The following ADGRA1 variants were observed in gnomAD, a reference collection of about 807,000 sequenced individuals.
The protein encoded by ADGRA1 is adhesion G protein-coupled receptor A1.
Under a neutral mutation model 21.3 loss-of-function variants are expected in ADGRA1, and 12 were observed. That is an observed-to-expected ratio of 0.56 (90% CI 0.36 to 0.91). The LOEUF is 0.91. ADGRA1 is among the 40% of genes least tolerant of loss of function. ADGRA1 has a pLI of 0.01. For synonymous variants in ADGRA1, 385 were observed against 368.8 expected (o/e 1.04, Z -0.50); for missense variants, 790 against 805.6 (o/e 0.98, Z 0.23).
chr10:133,122,427 C>A (rs1425890045), intron 5 of ADGRA1, among the ~76,000 whole-genome samples: 2 of 152,244 alleles, frequency 1.3e-5, no homozygotes, highest in African/African-American at 4.8e-5. Context: ...CGGCAGCACT[C>A]AGGCTGGGCA....
intron 5 of ADGRA1, among the ~76,000 whole-genome samples, chr10:133,114,046 C>T (rs1476014166): frequency 1.3e-5 from 2 of 152,240 alleles, no homozygotes; most frequent in Non-Finnish European, 2.9e-5. Context: ...TGAGTACCTC[C>T]GTCTCCTGCC....
intron 5 of ADGRA1, among the ~76,000 whole-genome samples, chr10:133,109,954 G>A (rs1371811300): frequency 6.6e-6 from 1 of 152,210 alleles, no homozygotes; most frequent in Non-Finnish European, 1.5e-5. Context: ...TCGGGACTCA[G>A]CAGTGGTGGC....
intron 2 of ADGRA1, among the ~76,000 whole-genome samples, chr10:133,096,157 G>C (rs1851684491): frequency 6.6e-6 from 1 of 152,240 alleles, no homozygotes. Context: ...CTGAGTGCAG[G>C]CTGGTGCCCC....
In ADGRA1 at chr10:133,129,515, G is replaced by T; in HGVS notation, c.*4G>T. The stretch of plus-strand genomic sequence containing the variant: ...GAAAAACGAAACTACTGTGTAGATG[G>T]GGGCAGAGGACACGGTGTTCCTGGA... On this transcript the variant is annotated 3_prime_UTR_variant, in exon 7 of 7. Transcript: ENST00000392607. 1.3e-6 allele frequency: 2 copies of T among 1,579,056 alleles called. No individual in the cohort carries two copies. The highest frequency in any genetic ancestry group is 4.5e-5 in the East Asian group (2 of 44,470).
At chr10:133,090,210 G>A (rs112381346) in intron 2 of ADGRA1, among the ~76,000 whole-genome samples, 10 of 152,312 alleles carry the variant, frequency 6.6e-5, no homozygotes, top group African/African-American at 1.9e-4. Context: ...ACAACTGTGC[G>A]GGGGCCTCCC....
At chr10:133,117,377 G>C (rs1852179361) in intron 5 of ADGRA1, among the ~76,000 whole-genome samples, 1 of 152,206 alleles carries the variant, frequency 6.6e-6, no homozygotes. Flanking sequence ...AACACCCACG[G>C]AACAGCCTAC....
chr10:133,126,783 G>A (rs1392266482), intron 5 of ADGRA1, among the ~76,000 whole-genome samples: 1 of 152,202 alleles, frequency 6.6e-6, no homozygotes, highest in African/African-American at 2.4e-5. Flanking sequence ...CTGAGGCTGA[G>A]CGGGGCCTTA....
intron 5 of ADGRA1, among the ~76,000 whole-genome samples, chr10:133,118,910 TCACA>T (rs753886546): frequency 1.4e-5 from 2 of 144,748 alleles, no homozygotes; most frequent in Non-Finnish European, 3.0e-5. Context: ...ACACGTACAC[TCACA>T]CACCACACAC....
intron 5 of ADGRA1, among the ~76,000 whole-genome samples, chr10:133,117,419 G>A (rs1852180069): frequency 1.3e-5 from 2 of 152,234 alleles, no homozygotes; most frequent in Admixed American, 1.3e-4. Context: ...GCCCCACAGA[G>A]GCCAAGCGCT....
chr10:133,117,542 T>G (rs972068945), intron 5 of ADGRA1, among the ~76,000 whole-genome samples: 1 of 152,166 alleles, frequency 6.6e-6, no homozygotes, highest in Non-Finnish European at 1.5e-5. Context: ...AGGCCCTCAC[T>G]AGCCCGGGCA....
At chr10:133,121,896 G>A (rs577584369) in intron 5 of ADGRA1, among the ~76,000 whole-genome samples, 49 of 150,322 alleles carry the variant, frequency 3.3e-4, no homozygotes, top group East Asian at 6.0e-4. Flanking sequence ...GTGTGCGTGC[G>A]TGCAAGTGTG....
In ADGRA1 at chr10:133,122,386, C is replaced by T. The variant is rs118124702; in HGVS notation, c.402-4847C>T. On this transcript the variant is annotated intron_variant, in intron 5 of 6. Coordinates refer to ENST00000392607, the MANE Select transcript of ADGRA1 (RefSeq NM_001083909.3). ...TCCGACCATCAGCTCCAACCAGCAGCGGGCTAGTGTGCCAGGAGGGATCAC... is the reference window on the plus strand; with the variant it reads ...TCCGACCATCAGCTCCAACCAGCAGTGGGCTAGTGTGCCAGGAGGGATCAC... Among the ~76,000 whole-genome samples the T allele has an allele frequency of 6.3e-3, 958 of 152,286 alleles. 2 individuals carry two copies. Among genetic ancestry groups the T allele is most frequent in the Non-Finnish European group, 0.011 (773 of 68,012 alleles).
At chr10:133,095,206 C>A (rs1260806476) in intron 2 of ADGRA1, among the ~76,000 whole-genome samples, 1 of 152,154 alleles carries the variant, frequency 6.6e-6, no homozygotes, top group Non-Finnish European at 1.5e-5. Context: ...TTGCAGGAGG[C>A]AACTGACGCT....
chr10:133,112,499 TGTA>T (rs1852061725), intron 5 of ADGRA1, among the ~76,000 whole-genome samples: 1 of 149,090 alleles, frequency 6.7e-6, no homozygotes, highest in African/African-American at 2.5e-5. Flanking sequence ...ATTTGGGGTC[TGTA>T]AGCAGTGTTG....
At chr10:133,088,959 T>C (rs1851552605) in intron 2 of ADGRA1, 47 bp downstream of exon 2, 1 of 1,236,640 alleles carries the variant, frequency 8.1e-7, no homozygotes, top group East Asian at 3.1e-5. Flanking sequence ...GCTAGGCCGC[T>C]GCGGGGGGGC....
chr10:133,107,059 T>C (rs1851906937), intron 5 of ADGRA1, among the ~76,000 whole-genome samples: 1 of 152,246 alleles, frequency 6.6e-6, no homozygotes, highest in South Asian at 2.1e-4. Flanking sequence ...TGCACCTCCT[T>C]GGTTGAATTT....
intron 4 of ADGRA1, among the ~76,000 whole-genome samples, chr10:133,099,696 C>G (rs2135873451): frequency 6.6e-6 from 1 of 152,278 alleles, no homozygotes; most frequent in East Asian, 1.9e-4. Context: ...GCCTCTGTAG[C>G]CACAGCTCCG....
chr10:133,102,263 C>A (rs753710950), intron 4 of ADGRA1: 18 of 484,512 alleles, frequency 3.7e-5, no homozygotes, highest in Non-Finnish European at 5.8e-5. Context: ...GGGGCTCATC[C>A]TACCCACAGT....
At chr10:133,123,421 G>A (rs1055750360) in intron 5 of ADGRA1, among the ~76,000 whole-genome samples, 12 of 152,154 alleles carry the variant, frequency 7.9e-5, no homozygotes, top group East Asian at 3.9e-4. Flanking sequence ...GGGGTGCCTC[G>A]TGCTTCTAGG....
Sources: gnomAD v4.1 joint callset for allele counts (sites outside exome capture counted in the v4.1 genomes callset) on GRCh38, gnomAD v4.1.1 for gene constraint, MANE v1.5 for transcripts, NCBI Gene and HGNC (gene_info 2026-07-23, HGNC 2026-07-21) for gene names.